ITGA4: variants seen among roughly 807,000 people sequenced by gnomAD.
ITGA4 encodes the protein integrin subunit alpha 4.
A neutral mutation model predicts 133.6 loss-of-function variants in ITGA4; 63 were observed. The observed-to-expected ratio is 0.47, with a 90% CI of 0.38 to 0.58. The LOEUF is 0.58. ITGA4 is among the 20% of genes least tolerant of loss of function. The probability of loss-of-function intolerance (pLI) is 0.00; values close to 1 mark genes in which losing one functional copy is unlikely to be tolerated. For missense variants in ITGA4, 1,076 were observed against 1,252.7 expected (o/e 0.86, Z 2.13); for synonymous variants, 483 against 438.0 (o/e 1.10, Z -1.28).
intron 2 of ITGA4, among the ~76,000 whole-genome samples, chr2:181,460,239 C>A (rs1685238115): frequency 1.3e-5 from 2 of 152,146 alleles, no homozygotes; most frequent in Admixed American, 6.5e-5. Flanking sequence ...CCTAGTCAGT[C>A]AATGAGTTAA....
At chr2:181,492,870 C>T (rs947876393) in intron 10 of ITGA4, among the ~76,000 whole-genome samples, 4 of 152,172 alleles carry the variant, frequency 2.6e-5, no homozygotes, top group African/African-American at 9.7e-5. Context: ...ATCAAATATT[C>T]ATAGATTATG....
rs74700111 is a variant in ITGA4 at position 181,508,021 on chromosome 2, A to AT, written c.1696-1630dup. Among the ~76,000 whole-genome samples the AT allele has an allele frequency of 3.3e-5, 5 of 152,070 alleles. No homozygotes were observed. In the South Asian group the frequency reaches 1.0e-3, roughly 32 times the overall value. ...CAAATAATTTTGAAAATAATGTGGA[A>AT]TTTTTTTAATGAGGATAGCAAGTAA... On this transcript the variant is annotated intron_variant, in intron 15 of 27. Coordinates refer to ENST00000397033, the MANE Select transcript of ITGA4 (RefSeq NM_000885.6).
At chr2:181,513,195 C>A (rs529358344) in intron 17 of ITGA4, among the ~76,000 whole-genome samples, 25 of 152,178 alleles carry the variant, frequency 1.6e-4, no homozygotes, top group Admixed American at 1.4e-3. Flanking sequence ...CCACATTCAA[C>A]CTTGGTAGTC....
At chr2:181,497,339 TC>T (rs1686176454) in intron 14 of ITGA4, among the ~76,000 whole-genome samples, 1 of 152,284 alleles carries the variant, frequency 6.6e-6, no homozygotes, top group East Asian at 1.9e-4. Flanking sequence ...ATAAAATGAC[TC>T]CCAGGAGAAA....
chr2:181,502,696 A>G (rs922526568), intron 15 of ITGA4, among the ~76,000 whole-genome samples: 1 of 152,022 alleles, frequency 6.6e-6, no homozygotes, highest in African/African-American at 2.4e-5. Flanking sequence ...GTTTGGGAAG[A>G]TGTGAAATAG....
At chr2:181,504,669 A>T (rs1395567699) in intron 15 of ITGA4, among the ~76,000 whole-genome samples, 1 of 152,100 alleles carries the variant, frequency 6.6e-6, no homozygotes. Context: ...TCTTTGAGGC[A>T]GGATATTATC....
At position 181,525,297 on chromosome 2, in the gene ITGA4, T is replaced by A; in HGVS notation, c.2339+6T>A. On this transcript the variant is annotated splice_donor_region_variant and intron_variant, in intron 21 of 27. Transcript: ENST00000397033. ...GTTAAGCTGACTGTTCATGGGTAAG[T>A]AGACATAAAGGCTTCCTTTCAAATT... The A allele has an allele frequency of 6.8e-7, 1 of 1,476,836 alleles. No homozygotes were observed. The highest frequency in any genetic ancestry group is 9.5e-7 in the Non-Finnish European group (1 of 1,057,966). The allele number at this position is 1,476,836 out of a possible 1,614,324, so 91.5% of individuals were successfully genotyped here.
chr2:181,487,444 G>C (rs748300511), intron 10 of ITGA4, among the ~76,000 whole-genome samples: 15 of 152,150 alleles, frequency 9.9e-5, no homozygotes, highest in Non-Finnish European at 1.8e-4. Flanking sequence ...TCGTCACATT[G>C]AGTTCACATC....
rs1051938158 is a variant in ITGA4, at chr2:181,537,771, C to A, written c.*2244C>A. The A allele has an allele frequency of 2.2e-6, 1 of 449,540 alleles. No individual in the cohort carries two copies. Among genetic ancestry groups the A allele is most frequent in the South Asian group, 1.6e-5 (1 of 62,370 alleles). 27.8% of individuals were successfully genotyped at this position (449,540 alleles called of 1,614,324 possible). A position where few individuals can be genotyped will look rare whatever the true frequency, so the allele number is the denominator to read the frequency against. On this transcript the variant is annotated 3_prime_UTR_variant, in exon 28 of 28. Transcript: ENST00000397033. Reference sequence around the variant, plus strand: ...AAGAATTTGAATTGATATCTAAAAACAGAATTTGAATTGATATTTCATCTT... The same window carrying A: ...AAGAATTTGAATTGATATCTAAAAAAAGAATTTGAATTGATATTTCATCTT...
chr2:181,530,363 A>G (rs973787368), intron 23 of ITGA4, among the ~76,000 whole-genome samples, 161 bp from the exon 24 acceptor site: 16 of 152,212 alleles, frequency 1.1e-4, no homozygotes, highest in Admixed American at 4.6e-4. Flanking sequence ...TGCCACAGAC[A>G]TTTAATCACT....
chr2:181,480,087 G>A (rs756772335), intron 5 of ITGA4, 50 bp from the exon 6 acceptor site: 1 of 1,378,436 alleles, frequency 7.3e-7, no homozygotes, highest in South Asian at 1.4e-5. Flanking sequence ...GAGGAGGTTT[G>A]GGGTGGTGAG....
At chr2:181,507,722 A>C (rs1395424254) in intron 15 of ITGA4, among the ~76,000 whole-genome samples, 1 of 152,140 alleles carries the variant, frequency 6.6e-6, no homozygotes, top group Non-Finnish European at 1.5e-5. Flanking sequence ...AATGCTATGT[A>C]AATACTTGTT....
chr2:181,536,980 A>G lies in ITGA4; in HGVS notation c.*1453A>G, dbSNP rs1237122082. ...CTAGCCAGCCATCCTAATTGATGAA[A>G]GTTATCTGTTCACAGGCCTGCAGTG... is the stretch of plus-strand genomic sequence containing the variant. On this transcript the variant is annotated 3_prime_UTR_variant, in exon 28 of 28. Coordinates refer to ENST00000397033, the MANE Select transcript of ITGA4 (RefSeq NM_000885.6). 1 of 452,342 alleles carries G rather than the reference A, an allele frequency of 2.2e-6. No homozygotes were observed. The highest frequency in any genetic ancestry group is 4.4e-6 in the Non-Finnish European group (1 of 226,176). The allele number at this position is 452,342 out of a possible 1,614,324, so 28.0% of individuals were successfully genotyped here.
chr2:181,459,404 T>C (rs1204767053), intron 2 of ITGA4: 1 of 152,234 alleles, frequency 6.6e-6, no homozygotes, highest in Admixed American at 6.5e-5. Context: ...TTGCTATAAA[T>C]GGACTTTTGA....
At chr2:181,472,155 A>G (rs926348483) in intron 2 of ITGA4, among the ~76,000 whole-genome samples, 1 of 152,200 alleles carries the variant, frequency 6.6e-6, no homozygotes, top group Non-Finnish European at 1.5e-5. Flanking sequence ...AACTAAAACA[A>G]GAAGGAGGCA....
intron 2 of ITGA4, among the ~76,000 whole-genome samples, chr2:181,464,282 AC>A (rs1685359476): frequency 1.3e-5 from 2 of 152,136 alleles, no homozygotes; most frequent in Admixed American, 6.6e-5. Context: ...TTCATTAGTA[AC>A]CTCGGTAAGA....
At chr2:181,470,346 C>T (rs558139103) in intron 2 of ITGA4, among the ~76,000 whole-genome samples, 2 of 151,764 alleles carry the variant, frequency 1.3e-5, no homozygotes, top group Non-Finnish European at 2.9e-5. Flanking sequence ...TACGTATGGC[C>T]CAAAACAATT....
At chr2:181,472,825 C>T (rs1417411396) in intron 2 of ITGA4, among the ~76,000 whole-genome samples, 1 of 152,058 alleles carries the variant, frequency 6.6e-6, no homozygotes, top group Non-Finnish European at 1.5e-5. Flanking sequence ...CTTCTCTTTT[C>T]GTGTCATTTC....
chr2:181,479,094 A>G (rs1432125280), intron 5 of ITGA4: 1 of 248,104 alleles, frequency 4.0e-6, no homozygotes, highest in East Asian at 7.4e-5. Flanking sequence ...TGAAAATCAA[A>G]AGTAGCTATG....
Sources: allele counts gnomAD v4.1 joint callset (sites outside exome capture counted in the v4.1 genomes callset), GRCh38; gene constraint gnomAD v4.1.1; transcripts MANE v1.5; gene names NCBI Gene and HGNC (gene_info 2026-07-23, HGNC 2026-07-21).